IKZF2: variants seen among roughly 807,000 people sequenced by gnomAD.
The protein encoded by IKZF2 is IKAROS family zinc finger 2.
In IKZF2, 15 loss-of-function variants were observed where a neutral mutation model predicts 49.2. That is an observed-to-expected ratio of 0.30 (90% confidence interval 0.20 to 0.47). The LOEUF (loss-of-function observed/expected upper bound fraction) is 0.47, where lower values mean the gene tolerates loss of function less well. IKZF2 is among the 20% of genes least tolerant of loss of function. The pLI is 1.00. For synonymous variants in IKZF2, 227 were observed against 221.4 expected (o/e 1.03, Z -0.23); for missense variants, 567 against 664.6 (o/e 0.85, Z 1.61).
chr2:213,043,581 C>T (rs1033820801), intron 6 of IKZF2, among the ~76,000 whole-genome samples: 2 of 152,174 alleles, frequency 1.3e-5, no homozygotes, highest in Admixed American at 1.3e-4. Flanking sequence ...CCACCAGGGA[C>T]CAGTTTCATG....
Position 213,007,726 on chromosome 2 carries a change from C to CAGG in IKZF2, c.1212_1214dup (p.Leu405dup), listed in dbSNP as rs1242611350. 1 of 1,613,654 alleles carries CAGG rather than the reference C, an allele frequency of 6.2e-7. No homozygotes were observed. The highest frequency in any genetic ancestry group is 8.5e-7 in the Non-Finnish European group (1 of 1,179,742). On this transcript the variant is annotated inframe_insertion, in exon 9 of 9. Coordinates refer to ENST00000434687, the MANE Select transcript of IKZF2 (RefSeq NM_001387220.1). ...GGCTGCTTTCTGAGTCAGTGGAATCCAGGCAGCTATTGCTGGGAGAGGCCT... is the reference window on the plus strand; with the variant it reads ...GGCTGCTTTCTGAGTCAGTGGAATCCAGGAGGCAGCTATTGCTGGGAGAGGCCT...
At chr2:213,057,238 T>C (rs1701250792) in intron 4 of IKZF2, 139 bp from the exon 5 acceptor site, 1 of 745,880 alleles carries the variant, frequency 1.3e-6, no homozygotes, top group East Asian at 2.7e-5. Flanking sequence ...TCGAATGCCA[T>C]GTTAATACAT....
chr2:213,125,648 T>C (rs1439768798), intron 4 of IKZF2, among the ~76,000 whole-genome samples: 2 of 152,178 alleles, frequency 1.3e-5, no homozygotes, highest in Non-Finnish European at 2.9e-5. Flanking sequence ...TAAGTTATCC[T>C]AAGGATGTAA....
At chr2:213,091,307 A>T (rs2125641283) in intron 4 of IKZF2, among the ~76,000 whole-genome samples, 1 of 152,304 alleles carries the variant, frequency 6.6e-6, no homozygotes, top group South Asian at 2.1e-4. Context: ...TTCATTCTGA[A>T]CTTAATTCCA....
chr2:213,135,338 A>C (rs936022279), intron 4 of IKZF2, among the ~76,000 whole-genome samples: 3 of 152,190 alleles, frequency 2.0e-5, no homozygotes, highest in African/African-American at 7.2e-5. Flanking sequence ...CATGCTATGA[A>C]TGAATATTAC....
At chr2:213,049,656 G>T in intron 6 of IKZF2, 57 bp downstream of exon 6, 1 of 1,337,682 alleles carries the variant, frequency 7.5e-7, no homozygotes, top group South Asian at 1.7e-5. Context: ...TCATTCAATA[G>T]TACTCTTCTA....
chr2:213,107,353 T>C lies in IKZF2; in HGVS notation c.139+40355A>G, dbSNP rs368001586. 3.6e-4 allele frequency among the ~76,000 whole-genome samples: 55 copies of C among 152,362 alleles called. 2 individuals carry two copies. Among genetic ancestry groups the C allele is most frequent in the East Asian group, 3.3e-3 (17 of 5,186 alleles). ...AAGAGATGATCACTGTGAGGTCTTA[T>C]AGCTTCACAGTTGTAGTTTTTAAAG... On this transcript the variant is annotated intron_variant, in intron 4 of 8. Coordinates refer to ENST00000434687, the MANE Select transcript of IKZF2 (RefSeq NM_001387220.1).
intron 4 of IKZF2, among the ~76,000 whole-genome samples, chr2:213,140,064 T>C (rs1179486668): frequency 1.3e-5 from 2 of 151,946 alleles, no homozygotes; most frequent in African/African-American, 2.4e-5. Flanking sequence ...ACACAGTAAG[T>C]GCTTAATAAA....
At chr2:213,027,321 A>G (rs1697915747) in intron 6 of IKZF2, among the ~76,000 whole-genome samples, 1 of 152,168 alleles carries the variant, frequency 6.6e-6, no homozygotes, top group Admixed American at 6.5e-5. Flanking sequence ...TAATCATAAC[A>G]TACTATTTGG....
Position 213,007,372 on chromosome 2 carries a change from G to A in IKZF2, c.1569C>T (p.His523=), listed in dbSNP as rs368476748. 7.4e-6 allele frequency: 12 copies of A among 1,613,016 alleles called. No individual in the cohort carries two copies. Among genetic ancestry groups the A allele is most frequent in the Non-Finnish European group, 1.0e-5 (12 of 1,179,512 alleles). ...GGAATGAAAAGGCCTAGTGGAATGT[G>A]TGCTCCCCTCGAACAATGTGTGATG... ...EFSSHIVRGE[H]TFH The change falls in exon 9 of 9, where the codon CAC becomes CAT. Residue 523 remains histidine, a synonymous_variant. Transcript: ENST00000434687.
chr2:213,063,923 C>T (rs149597797), intron 4 of IKZF2, among the ~76,000 whole-genome samples: 5 of 152,036 alleles, frequency 3.3e-5, no homozygotes, highest in East Asian at 3.9e-4. Context: ...AAACTTAAGT[C>T]CCGAATGGTC....
chr2:213,041,389 G>A lies in IKZF2; in HGVS notation c.574+8324C>T, dbSNP rs145368883. Among the ~76,000 whole-genome samples, 1,243 of 151,936 alleles carry A rather than the reference G, an allele frequency of 8.2e-3. 10 individuals are homozygous for A. The highest frequency in any genetic ancestry group is 0.01 in the Non-Finnish European group (693 of 67,934). Reference sequence around the variant, plus strand: ...CGCTCTGTCACCCAGGCTGGTGTCCGCCTCCCGGGATCAAGCAATCCTCCT... The same window carrying A: ...CGCTCTGTCACCCAGGCTGGTGTCCACCTCCCGGGATCAAGCAATCCTCCT... On this transcript the variant is annotated intron_variant, in intron 6 of 8. Coordinates refer to ENST00000434687, the MANE Select transcript of IKZF2 (RefSeq NM_001387220.1).
At chr2:213,101,667 C>T (rs1448984200) in intron 4 of IKZF2, among the ~76,000 whole-genome samples, 3 of 152,152 alleles carry the variant, frequency 2.0e-5, no homozygotes, top group South Asian at 4.2e-4. Flanking sequence ...ACGACCCTAA[C>T]GTCTTATAAC....
At chr2:213,014,340 C>A (rs1388914763) in intron 7 of IKZF2, 1 of 154,592 alleles carries the variant, frequency 6.5e-6, no homozygotes, top group African/African-American at 2.4e-5. Context: ...GAGAGAAAAG[C>A]TTAAACAGAC....
At chr2:213,029,289 A>C (rs1262013211) in intron 6 of IKZF2, among the ~76,000 whole-genome samples, 1 of 152,040 alleles carries the variant, frequency 6.6e-6, no homozygotes, top group Non-Finnish European at 1.5e-5. Context: ...TTACCAGTGA[A>C]GTCATCTGGA....
chr2:213,068,595 T>C (rs561175266), intron 4 of IKZF2, among the ~76,000 whole-genome samples: 27 of 152,094 alleles, frequency 1.8e-4, no homozygotes, highest in Non-Finnish European at 3.4e-4. Context: ...CTATTATAAG[T>C]AATAGTATAA....
At chr2:213,031,941 C>A (rs1698479903) in intron 6 of IKZF2, among the ~76,000 whole-genome samples, 1 of 152,106 alleles carries the variant, frequency 6.6e-6, no homozygotes, top group Non-Finnish European at 1.5e-5. Flanking sequence ...TAGGGATGCT[C>A]ACTTCTTTCA....
intron 6 of IKZF2, among the ~76,000 whole-genome samples, chr2:213,041,597 C>T (rs1010378376): frequency 3.3e-5 from 5 of 152,060 alleles, no homozygotes; most frequent in African/African-American, 9.7e-5. Flanking sequence ...CCACCGTGCC[C>T]GGCCACAACT....
intron 4 of IKZF2, among the ~76,000 whole-genome samples, chr2:213,118,391 G>C (rs1035211085): frequency 3.3e-5 from 5 of 152,176 alleles, no homozygotes; most frequent in Non-Finnish European, 4.4e-5. Flanking sequence ...AGACTAGCTA[G>C]GTGGAGGGCT....
Sources: allele counts gnomAD v4.1 joint callset (sites outside exome capture counted in the v4.1 genomes callset), GRCh38; gene constraint gnomAD v4.1.1; transcripts MANE v1.5; gene names NCBI Gene and HGNC (gene_info 2026-07-23, HGNC 2026-07-21).